The following GALNT17 variants were observed in gnomAD, a reference collection of about 807,000 sequenced individuals.
The protein encoded by GALNT17 is polypeptide N-acetylgalactosaminyltransferase 17, also known as UDP-GalNAc:polypeptide N-acetylgalactosaminyltransferase-like 3.
GALNT17 carries 29 observed loss-of-function variants against 63.7 expected under a neutral mutation model. That is an observed-to-expected ratio of 0.46 (90% CI 0.34 to 0.62). GALNT17 has a LOEUF of 0.62. GALNT17 is among the 20% of genes least tolerant of loss of function. The pLI is 0.01. For synonymous variants in GALNT17, 305 were observed against 318.3 expected, an observed-to-expected ratio of 0.96 and a Z score of 0.45; for missense variants, 603 against 799.6, an observed-to-expected ratio of 0.75 and a Z score of 2.97.
intron 1 of GALNT17, among the ~76,000 whole-genome samples, chr7:71,274,421 A>G (rs942393890): frequency 2.0e-5 from 3 of 152,122 alleles, no homozygotes; most frequent in Non-Finnish European, 2.9e-5. Flanking sequence ...CTGGGACTAC[A>G]GGTGTGCGCC....
At chr7:71,205,021 C>T (rs1162840870) in intron 1 of GALNT17, among the ~76,000 whole-genome samples, 1 of 152,034 alleles carries the variant, frequency 6.6e-6, no homozygotes, top group East Asian at 1.9e-4. Flanking sequence ...GCTGGGATTA[C>T]ATCTTTTCAT....
chr7:71,523,258 C>T (rs766084761), intron 5 of GALNT17, among the ~76,000 whole-genome samples: 2 of 152,142 alleles, frequency 1.3e-5, no homozygotes, highest in Non-Finnish European at 2.9e-5. Flanking sequence ...GACCCCATCT[C>T]TACAAAATAA....
At chr7:71,356,556 G>A (rs1380520256) in intron 2 of GALNT17, among the ~76,000 whole-genome samples, 1 of 152,124 alleles carries the variant, frequency 6.6e-6, no homozygotes. Flanking sequence ...GGAGAGAGGG[G>A]TGGCAGGTGC....
rs543031470 is a variant in GALNT17, at chr7:71,354,478, C to T, written c.422+18745C>T. On this transcript the variant is annotated intron_variant, in intron 2 of 10. Coordinates refer to ENST00000333538, the MANE Select transcript of GALNT17 (RefSeq NM_022479.3). The stretch of plus-strand genomic sequence containing the variant: ...ATTTCAGTTTTTTCAGTAACTATAC[C>T]GAAAATCATCAATTTCTTTCTTCCT... Among the ~76,000 whole-genome samples the T allele has an allele frequency of 8.6e-5, 13 of 151,966 alleles. No individual in the cohort carries two copies. In the East Asian group the frequency reaches 1.2e-3, roughly 14 times the overall value.
At chr7:71,229,246 G>C (rs1934731679) in intron 1 of GALNT17, among the ~76,000 whole-genome samples, 1 of 152,222 alleles carries the variant, frequency 6.6e-6, no homozygotes, top group Admixed American at 6.5e-5. Context: ...TGCTGCCTCT[G>C]CATCTTTCTG....
chr7:71,334,738 T>C (rs369208560), intron 1 of GALNT17, among the ~76,000 whole-genome samples: 11 of 152,330 alleles, frequency 7.2e-5, no homozygotes, highest in African/African-American at 2.6e-4. Context: ...GTGGGTTTTT[T>C]CCTCTCCTCT....
intron 1 of GALNT17, among the ~76,000 whole-genome samples, chr7:71,140,125 C>T (rs1414263364): frequency 6.6e-6 from 1 of 152,180 alleles, no homozygotes; most frequent in Non-Finnish European, 1.5e-5. Flanking sequence ...CCCACAGATG[C>T]TGGACGGTAC....
chr7:71,595,064 G>C (rs2116924091), intron 6 of GALNT17, among the ~76,000 whole-genome samples: 1 of 152,290 alleles, frequency 6.6e-6, no homozygotes, highest in Non-Finnish European at 1.5e-5. Flanking sequence ...CAGAAATTAG[G>C]ATGATGTAGC....
At chr7:71,384,261 G>A (rs1347822832) in intron 2 of GALNT17, among the ~76,000 whole-genome samples, 2 of 152,098 alleles carry the variant, frequency 1.3e-5, no homozygotes. Flanking sequence ...TAAGAACCTG[G>A]CTCACATGGT....
intron 6 of GALNT17, among the ~76,000 whole-genome samples, chr7:71,615,403 C>G (rs899696386): frequency 2.6e-5 from 4 of 151,716 alleles, no homozygotes; most frequent in Non-Finnish European, 5.9e-5. Context: ...GTGGCTTTTC[C>G]AGCCTGTGCA....
chr7:71,407,323 G>A (rs1179123066), intron 3 of GALNT17, among the ~76,000 whole-genome samples: 1 of 152,224 alleles, frequency 6.6e-6, no homozygotes, highest in Non-Finnish European at 1.5e-5. Context: ...ACCCAGGGGA[G>A]GGGCAGGCCA....
At chr7:71,519,968 G>A (rs899958338) in intron 5 of GALNT17, among the ~76,000 whole-genome samples, 3 of 152,136 alleles carry the variant, frequency 2.0e-5, no homozygotes, top group African/African-American at 7.2e-5. Flanking sequence ...AAATCAGCAT[G>A]ATATATAAAA....
chr7:71,243,968 C>T (rs952586953), intron 1 of GALNT17, among the ~76,000 whole-genome samples: 7 of 151,946 alleles, frequency 4.6e-5, no homozygotes, highest in African/African-American at 1.5e-4. Context: ...AAAATGGAAC[C>T]GATGTGGATG....
intron 6 of GALNT17, among the ~76,000 whole-genome samples, chr7:71,613,460 A>G (rs1482743813): frequency 6.6e-6 from 1 of 152,216 alleles, no homozygotes. Flanking sequence ...GTCAGCATTA[A>G]GCAGCCCTGG....
chr7:71,537,999 G>A (rs971962786), intron 5 of GALNT17, among the ~76,000 whole-genome samples: 1 of 152,066 alleles, frequency 6.6e-6, no homozygotes, highest in Non-Finnish European at 1.5e-5. Flanking sequence ...AGGACAGCCT[G>A]CCTACGCCTT....
chr7:71,336,746 G>T lies in GALNT17; in HGVS notation c.422+1013G>T, dbSNP rs543661647. On this transcript the variant is annotated intron_variant, in intron 2 of 10. Transcript: ENST00000333538. ...TCTTTATCCAGTCTACTATTGATGG[G>T]CATTTAGGTTGATTCCATTTCTTTG... Among the ~76,000 whole-genome samples the T allele has an allele frequency of 1.3e-5, 2 of 152,282 alleles. 1 individual carries two copies. The highest frequency in any genetic ancestry group is 4.1e-4 in the South Asian group (2 of 4,830).
chr7:71,158,356 A>G (rs926139028), intron 1 of GALNT17, among the ~76,000 whole-genome samples: 1 of 150,672 alleles, frequency 6.6e-6, no homozygotes, highest in African/African-American at 2.5e-5. Flanking sequence ...GCCTGCCCCA[A>G]GCCTTCATCT....
At chr7:71,339,029 C>T (rs1465844893) in intron 2 of GALNT17, among the ~76,000 whole-genome samples, 1 of 152,152 alleles carries the variant, frequency 6.6e-6, no homozygotes, top group Non-Finnish European at 1.5e-5. Flanking sequence ...TTTTTATTTC[C>T]TGATGCTCTC....
intron 1 of GALNT17, among the ~76,000 whole-genome samples, chr7:71,270,477 A>T (rs1270476065): frequency 6.9e-6 from 1 of 144,150 alleles, no homozygotes; most frequent in Non-Finnish European, 1.5e-5. Flanking sequence ...GTGAGCCGAG[A>T]TTGCACCATT....
Sources: gnomAD v4.1 joint callset for allele counts (sites outside exome capture counted in the v4.1 genomes callset) on GRCh38, gnomAD v4.1.1 for gene constraint, MANE v1.5 for transcripts, NCBI Gene and HGNC (gene_info 2026-07-23, HGNC 2026-07-21) for gene names.